Variants in TGFBRAP1 observed in about 807,000 individuals in gnomAD.
TGFBRAP1 encodes the protein transforming growth factor-beta receptor-associated protein 1.
Under a neutral mutation model 83.2 loss-of-function variants are expected in TGFBRAP1, and 20 were observed. The observed-to-expected ratio is 0.24, with a 90% CI of 0.17 to 0.35. The LOEUF (loss-of-function observed/expected upper bound fraction) is 0.35. Among genes scored for constraint, TGFBRAP1 ranks in the 10% least tolerant of loss-of-function variants. The pLI is 1.00. For missense variants in TGFBRAP1, 950 were observed against 1,099.4 expected (o/e 0.86, Z 1.92); for synonymous variants, 415 against 459.8 (o/e 0.90, Z 1.25).
chr2:105,261,289 G>A (rs1160786726), downstream of TGFBRAP1, among the ~76,000 whole-genome samples: 1 of 152,174 alleles, frequency 6.6e-6, no homozygotes, highest in Non-Finnish European at 1.5e-5. Context: ...AAAGCACGTA[G>A]CGTCATCTTA....
intron 10 of TGFBRAP1, 142 bp downstream of exon 10, chr2:105,272,713 A>G: frequency 8.6e-7 from 1 of 1,157,238 alleles, no homozygotes; most frequent in Non-Finnish European, 1.2e-6. Flanking sequence ...CTTCATTTAA[A>G]AAAATCTTTT....
At chr2:105,311,647 C>A (rs1573212343) in intron 1 of TGFBRAP1, among the ~76,000 whole-genome samples, 1 of 151,988 alleles carries the variant, frequency 6.6e-6, no homozygotes, top group Admixed American at 6.6e-5. Flanking sequence ...ACCTGTAATC[C>A]CACCATTTTG....
In TGFBRAP1 at chr2:105,307,873, G is replaced by C. The variant is rs1678563077; in HGVS notation, c.429C>G (p.Val143=). 1 of 1,614,116 alleles carries C rather than the reference G, an allele frequency of 6.2e-7. No individual in the cohort carries two copies. The highest frequency in any genetic ancestry group is 1.7e-5 in the Admixed American group (1 of 60,014). Residue 143 remains valine, a synonymous_variant, in exon 2 of 12, where the codon GTC becomes GTG. Coordinates refer to ENST00000393359, the MANE Select transcript of TGFBRAP1 (RefSeq NM_004257.6). ...PFCVEVCIIS[V]KRRTIQMFLV... ...GAAACATCTGGATGGTTCTGCGTTTGACAGAGATGATGCAAACTTCTACAC... is the reference window on the plus strand; with the variant it reads ...GAAACATCTGGATGGTTCTGCGTTTCACAGAGATGATGCAAACTTCTACAC...
intron 4 of TGFBRAP1, among the ~76,000 whole-genome samples, chr2:105,294,330 G>GTGTGTT (rs1386130759): frequency 6.6e-6 from 1 of 151,840 alleles, no homozygotes; most frequent in Non-Finnish European, 1.5e-5. Context: ...GTGTGTGTGT[G>GTGTGTT]TGTGTGTAAA....
chr2:105,307,862 G>T lies in TGFBRAP1; in HGVS notation c.440C>A (p.Thr147Asn). ...CTCGTACACCAGAAACATCTGGATG[G>T]TTCTGCGTTTGACAGAGATGATGCA... ...EVCIISVKRR[T>N]IQMFLVYEDR... The change falls in exon 2 of 12, where the codon ACC (threonine) becomes AAC (asparagine). Residue 147 changes from threonine to asparagine, a missense_variant. Coordinates refer to ENST00000393359, the MANE Select transcript of TGFBRAP1 (RefSeq NM_004257.6). The T allele has an allele frequency of 6.2e-7, 1 of 1,614,200 alleles. No individual in the cohort carries two copies. The highest frequency in any genetic ancestry group is 8.5e-7 in the Non-Finnish European group (1 of 1,180,032).
chr2:105,298,390 T>C lies in TGFBRAP1; in HGVS notation c.883+121A>G, dbSNP rs561697028. On this transcript the variant is annotated intron_variant, in intron 3 of 11. Coordinates refer to ENST00000393359, the MANE Select transcript of TGFBRAP1 (RefSeq NM_004257.6). ...CAGCCCCTGAAGCACAGAGACTGTA[T>C]TGGAGTCATCTGTGTATCTTTTATG... 126 of 1,036,946 alleles carry C rather than the reference T, an allele frequency of 1.2e-4. No individual in the cohort carries two copies. The African/African-American group carries it at 1.9e-3, about 16-fold the overall frequency. The allele number at this position is 1,036,946 out of a possible 1,614,324, so 64.2% of individuals were successfully genotyped here. A position where few individuals can be genotyped will look rare whatever the true frequency, so the allele number is the denominator to read the frequency against.
At chr2:105,261,645 G>A (rs1395143948), downstream of TGFBRAP1, among the ~76,000 whole-genome samples, 7 of 152,026 alleles carry the variant, frequency 4.6e-5, no homozygotes, top group Admixed American at 2.0e-4. Context: ...CCAGCTACTC[G>A]GGAGGCTGAG....
chr2:105,314,238 T>C (rs1481748080), intron 1 of TGFBRAP1, among the ~76,000 whole-genome samples: 1 of 150,758 alleles, frequency 6.6e-6, no homozygotes, highest in Non-Finnish European at 1.5e-5. Flanking sequence ...ACCCAGCCTG[T>C]AGTACTTTCT....
chr2:105,310,682 A>T (rs551611988), intron 1 of TGFBRAP1, among the ~76,000 whole-genome samples: 2 of 152,302 alleles, frequency 1.3e-5, no homozygotes, highest in South Asian at 4.1e-4. Flanking sequence ...CTTAAACAAC[A>T]TCATGTATTT....
At chr2:105,275,976 AAT>A (rs1404915485) in intron 7 of TGFBRAP1, among the ~76,000 whole-genome samples, 3 of 152,188 alleles carry the variant, frequency 2.0e-5, no homozygotes, top group African/African-American at 7.2e-5. Context: ...CAGTAAACAG[AAT>A]ATATGCAGGG....
intron 1 of TGFBRAP1, among the ~76,000 whole-genome samples, chr2:105,313,523 C>G (rs914210256): frequency 5.9e-5 from 9 of 152,070 alleles, no homozygotes; most frequent in African/African-American, 2.2e-4. Context: ...ATAAATGTTT[C>G]TAAGGATAAA....
intron 3 of TGFBRAP1, among the ~76,000 whole-genome samples, chr2:105,297,315 A>C (rs1225627034): frequency 6.6e-6 from 1 of 152,114 alleles, no homozygotes; most frequent in Non-Finnish European, 1.5e-5. Flanking sequence ...GCCTGGAGTC[A>C]CTTTTCCCAG....
At chr2:105,281,507 T>C (rs2576741) in intron 5 of TGFBRAP1, among the ~76,000 whole-genome samples, 119,795 of 152,098 alleles carry the variant, frequency 0.79, 47,311 homozygotes, top group African/African-American at 0.82. Context: ...TCCTCCTTCA[T>C]CCAAGCTCTG....
intron 10 of TGFBRAP1, among the ~76,000 whole-genome samples, chr2:105,271,663 T>C (rs932388633): frequency 2.0e-5 from 3 of 152,218 alleles, no homozygotes; most frequent in African/African-American, 7.2e-5. Flanking sequence ...CACAGGGTTG[T>C]TGTGGAAACT....
chr2:105,259,851 G>C (rs1676748507), downstream of TGFBRAP1, among the ~76,000 whole-genome samples: 1 of 152,118 alleles, frequency 6.6e-6, no homozygotes. Context: ...AAAGGATTTT[G>C]AACCCATTTT....
At position 105,296,524 on chromosome 2, in the gene TGFBRAP1, C is replaced by T; in HGVS notation, c.884-14G>A. The T allele has an allele frequency of 6.2e-7, 1 of 1,601,944 alleles. No individual in the cohort carries two copies. Among genetic ancestry groups the T allele is most frequent in the Non-Finnish European group, 8.5e-7 (1 of 1,175,460 alleles). Reference sequence around the variant, plus strand: ...CGATCACTCTTCCTGTGAAGAAATTCAGCATTGTTGGAAAGAGAAAAAACA... The same window carrying T: ...CGATCACTCTTCCTGTGAAGAAATTTAGCATTGTTGGAAAGAGAAAAAACA... On this transcript the variant is annotated splice_polypyrimidine_tract_variant and intron_variant, in intron 3 of 11. Transcript: ENST00000393359.
chr2:105,260,443 A>G (rs1054248249), downstream of TGFBRAP1, among the ~76,000 whole-genome samples: 1 of 152,218 alleles, frequency 6.6e-6, no homozygotes, highest in African/African-American at 2.4e-5. Flanking sequence ...CGTATGCTAC[A>G]ATATGGGTGA....
intron 2 of TGFBRAP1, 91 bp from the exon 3 acceptor site, chr2:105,298,796 C>A: frequency 2.0e-5 from 25 of 1,260,686 alleles, no homozygotes; most frequent in Non-Finnish European, 2.6e-5. Context: ...CGACCCCTGC[C>A]CACCAGCAAT....
intron 5 of TGFBRAP1, among the ~76,000 whole-genome samples, chr2:105,282,014 T>C (rs945209970): frequency 2.0e-5 from 3 of 152,230 alleles, no homozygotes; most frequent in Non-Finnish European, 2.9e-5. Context: ...TGAGAATCCC[T>C]GACCTAAAGT....
Sources: gnomAD v4.1 joint callset for allele counts (sites outside exome capture counted in the v4.1 genomes callset) on GRCh38, gnomAD v4.1.1 for gene constraint, MANE v1.5 for transcripts, NCBI Gene and HGNC (gene_info 2026-07-23, HGNC 2026-07-21) for gene names.